ASAP2: variants seen among roughly 807,000 people sequenced by gnomAD.
ASAP2 encodes arf-GAP with SH3 domain, ANK repeat and PH domain-containing protein 2.
Under a neutral mutation model 131.4 loss-of-function variants are expected in ASAP2, and 45 were observed. The observed-to-expected ratio is 0.34, with a 90% CI of 0.27 to 0.44. The LOEUF (loss-of-function observed/expected upper bound fraction) is 0.44, where lower values mean the gene tolerates loss of function less well. ASAP2 is among the 20% of genes least tolerant of loss of function. The pLI is 1.00. For missense variants in ASAP2, 1,011 were observed against 1,297.0 expected, an observed-to-expected ratio of 0.78 and a Z score of 3.39; for synonymous variants, 510 against 503.0, an observed-to-expected ratio of 1.01 and a Z score of -0.19.
rs112998657 is a variant in ASAP2 at position 9,363,890 on chromosome 2, A to G, written c.1462-4535A>G. The stretch of plus-strand genomic sequence containing the variant: ...GCAGCCTAGCATTACTTCTTTTCCA[A>G]TGGAATGGAAGTTGCATAATTGAAT... On this transcript the variant is annotated intron_variant, in intron 15 of 27. Transcript: ENST00000281419. Among the ~76,000 whole-genome samples the G allele has an allele frequency of 4.2e-3, 633 of 152,248 alleles. 6 individuals are homozygous for G. Among genetic ancestry groups the G allele is most frequent in the African/African-American group, 0.014 (601 of 41,540 alleles).
chr2:9,304,495 G>T (rs796860291), intron 3 of ASAP2, among the ~76,000 whole-genome samples: 7 of 145,262 alleles, frequency 4.8e-5, no homozygotes, highest in African/African-American at 1.5e-4. Flanking sequence ...CTGTAGGGGG[G>T]GTGTAGATAC....
chr2:9,380,592 C>T, intron 19 of ASAP2, 149 bp from the exon 20 acceptor site: 1 of 791,748 alleles, frequency 1.3e-6, no homozygotes, highest in Non-Finnish European at 2.3e-6. Context: ...TACATTCAGC[C>T]TCGACTAGGT....
chr2:9,358,637 A>G (rs59670261), intron 14 of ASAP2, 119 bp from the exon 15 acceptor site: 17 of 1,276,822 alleles, frequency 1.3e-5, no homozygotes, highest in Non-Finnish European at 1.7e-5. Flanking sequence ...CAGCTGTGTT[A>G]AGGATCAGAA....
chr2:9,254,282 G>A (rs181584324), intron 1 of ASAP2, among the ~76,000 whole-genome samples: 4 of 114,598 alleles, frequency 3.5e-5, no homozygotes, highest in Non-Finnish European at 6.8e-5. Context: ...CATATATATA[G>A]TATATTGTTA....
At chr2:9,382,836 A>T (rs534224810) in intron 20 of ASAP2, among the ~76,000 whole-genome samples, 1 of 152,330 alleles carries the variant, frequency 6.6e-6, no homozygotes, top group Non-Finnish European at 1.5e-5. Context: ...GTCGCCTGAC[A>T]GGTTCTTCTT....
intron 20 of ASAP2, among the ~76,000 whole-genome samples, chr2:9,383,862 A>G (rs1365765506): frequency 6.6e-6 from 1 of 152,212 alleles, no homozygotes; most frequent in Non-Finnish European, 1.5e-5. Flanking sequence ...TGTCCTTTGT[A>G]GGGACATGAA....
At chr2:9,241,394 C>T (rs374666019) in intron 1 of ASAP2, among the ~76,000 whole-genome samples, 8 of 152,032 alleles carry the variant, frequency 5.3e-5, no homozygotes, top group Non-Finnish European at 7.4e-5. Context: ...TAAACTGGTG[C>T]GATTATGAGT....
intron 24 of ASAP2, among the ~76,000 whole-genome samples, chr2:9,394,887 G>A (rs1296855802): frequency 6.6e-6 from 1 of 152,182 alleles, no homozygotes; most frequent in African/African-American, 2.4e-5. Flanking sequence ...GAGGTGACTC[G>A]TTGGCTGGGG....
At chr2:9,270,420 TA>T (rs1465049190) in intron 1 of ASAP2, among the ~76,000 whole-genome samples, 2 of 152,024 alleles carry the variant, frequency 1.3e-5, no homozygotes, top group Non-Finnish European at 2.9e-5. Context: ...AAGATTTCAG[TA>T]TTTTTTTTTA....
rs1675597304 is a variant in ASAP2, at chr2:9,389,991, C to T, written c.2384-1071C>T. Among the ~76,000 whole-genome samples the T allele has an allele frequency of 6.6e-6, 1 of 152,224 alleles. No homozygotes were observed. On this transcript the variant is annotated intron_variant, in intron 22 of 27. Transcript: ENST00000281419. The surrounding 1 kb of genome is among the most constrained non-coding windows in gnomAD (Gnocchi z 4.7). ...AGATGATTTTGATCATCCTCCTTCC[C>T]AGCAGTGGCTTTTGCTGACTGTGTG...
intron 22 of ASAP2, among the ~76,000 whole-genome samples, chr2:9,390,450 G>A (rs753663629): frequency 3.1e-4 from 47 of 152,356 alleles, no homozygotes; most frequent in Middle Eastern, 3.4e-3. Context: ...ACCTGAGCTT[G>A]GAGGTTTGTG....
intron 1 of ASAP2, among the ~76,000 whole-genome samples, chr2:9,237,726 G>A (rs1019875283): frequency 7.2e-5 from 11 of 152,080 alleles, no homozygotes; most frequent in African/African-American, 2.2e-4. Flanking sequence ...GGCCTGCTCT[G>A]GTTGAAGGCT....
chr2:9,395,586 T>TTTTTTTTCTTTTTTTC (rs1441840585), intron 24 of ASAP2, among the ~76,000 whole-genome samples: 1 of 129,138 alleles, frequency 7.7e-6, no homozygotes, highest in African/African-American at 3.0e-5. Context: ...TTTTCTTGTG[T>TTTTTTTTCTTTTTTTC]TTTTTTTCTT....
At chr2:9,319,685 C>G (rs1670030626) in intron 4 of ASAP2, among the ~76,000 whole-genome samples, 1 of 152,218 alleles carries the variant, frequency 6.6e-6, no homozygotes, top group Non-Finnish European at 1.5e-5. Flanking sequence ...AGATTTCTGT[C>G]TCCCTGAAGA....
chr2:9,366,967 C>G (rs969336347), intron 15 of ASAP2, among the ~76,000 whole-genome samples: 56 of 151,978 alleles, frequency 3.7e-4, no homozygotes, highest in African/African-American at 1.3e-3. Context: ...AGAGATAGAC[C>G]CGATTTCAGG....
At chr2:9,291,434 A>T (rs1028692467) in intron 2 of ASAP2, among the ~76,000 whole-genome samples, 1 of 152,236 alleles carries the variant, frequency 6.6e-6, no homozygotes, top group African/African-American at 2.4e-5. Context: ...TTGCATTCCC[A>T]TGAGATCATG....
chr2:9,343,002 A>ACTGAT (rs1406972936), intron 9 of ASAP2, among the ~76,000 whole-genome samples: 1 of 151,952 alleles, frequency 6.6e-6, no homozygotes, highest in African/African-American at 2.4e-5. Flanking sequence ...CTTCCATCAC[A>ACTGAT]CTGATTTTCC....
In ASAP2 at chr2:9,358,761, A is replaced by G. The variant is rs2148658889; in HGVS notation, c.1333A>G (p.Thr445Ala). The G allele has an allele frequency of 6.2e-7, 1 of 1,613,152 alleles. No homozygotes were observed. Among genetic ancestry groups the G allele is most frequent in the South Asian group, 1.1e-5 (1 of 90,986 alleles). The change falls in exon 15 of 28, where the codon ACA (threonine) becomes GCA (alanine). Residue 445 changes from threonine (T) to alanine (A), a missense_variant. Around this residue, in one of 2 missense-constraint regions of ASAP2, gnomAD observed 359 missense variants for 598.1 expected, o/e 0.60. Coordinates refer to ENST00000281419, the MANE Select transcript of ASAP2 (RefSeq NM_003887.3). ...VCCDCGAPDP[T>A]WLSTNLGILT... ...TGCCCTGTTCTCTTTGGCAGATCCTACATGGCTTTCCACCAACCTGGGCAT... is the reference window on the plus strand; with the variant it reads ...TGCCCTGTTCTCTTTGGCAGATCCTGCATGGCTTTCCACCAACCTGGGCAT...
intron 15 of ASAP2, among the ~76,000 whole-genome samples, chr2:9,366,389 G>A (rs1215482396): frequency 6.6e-6 from 1 of 152,126 alleles, no homozygotes; most frequent in Non-Finnish European, 1.5e-5. Flanking sequence ...GCTCATAGAG[G>A]GGGCCACAGT....
Sources: gnomAD v4.1 joint callset for allele counts (sites outside exome capture counted in the v4.1 genomes callset) on GRCh38, gnomAD v4.1.1 for gene constraint, gnomAD v4.1.1 regional missense constraint, Gnocchi (gnomAD v3.1) non-coding constraint, MANE v1.5 for transcripts, NCBI Gene and HGNC (gene_info 2026-07-23, HGNC 2026-07-21) for gene names.